Variants in CHST11 observed in about 807,000 individuals in gnomAD.
The protein encoded by CHST11 is C4S-1.
Under a neutral mutation model 30.4 loss-of-function variants are expected in CHST11, and 9 were observed. That is an observed-to-expected ratio of 0.30 (90% CI 0.18 to 0.52). CHST11 has a LOEUF of 0.52. Ranked by LOEUF, CHST11 falls within the 20% of genes least tolerant of loss-of-function variation. CHST11 has a pLI of 0.97. For missense variants in CHST11, 348 were observed against 460.6 expected, an observed-to-expected ratio of 0.76 and a Z score of 2.24; for synonymous variants, 152 against 187.8, an observed-to-expected ratio of 0.81 and a Z score of 1.56.
At chr12:104,601,785 TAGA>T in intron 1 of CHST11, 118 bp from the exon 2 acceptor site, 3 of 721,524 alleles carry the variant, frequency 4.2e-6, no homozygotes, top group African/African-American at 1.8e-5. Flanking sequence ...CTTCCTTTGC[TAGA>T]AGCTGGTTTT....
intron 1 of CHST11, among the ~76,000 whole-genome samples, chr12:104,541,555 T>C (rs1329523649): frequency 6.6e-6 from 1 of 152,210 alleles, no homozygotes; most frequent in Non-Finnish European, 1.5e-5. Flanking sequence ...GGTGGGCTAG[T>C]GGATATTCTG....
chr12:104,535,065 A>C (rs1403805544), intron 1 of CHST11, among the ~76,000 whole-genome samples: 1 of 152,220 alleles, frequency 6.6e-6, no homozygotes, highest in African/African-American at 2.4e-5. Context: ...TGGGGTTATA[A>C]AATCACTCCT....
At chr12:104,733,027 C>T (rs930363263) in intron 2 of CHST11, among the ~76,000 whole-genome samples, 3 of 152,214 alleles carry the variant, frequency 2.0e-5, no homozygotes. Context: ...TAGGTATGAC[C>T]AGCCCTATGA....
At chr12:104,528,461 T>C (rs1388422421) in intron 1 of CHST11, among the ~76,000 whole-genome samples, 1 of 152,182 alleles carries the variant, frequency 6.6e-6, no homozygotes, top group Non-Finnish European at 1.5e-5. Context: ...TTTAACTCAC[T>C]CTTCATTTGC....
intron 2 of CHST11, among the ~76,000 whole-genome samples, chr12:104,677,002 T>G (rs77544780): frequency 0.028 from 4,267 of 152,262 alleles, 169 homozygotes; most frequent in African/African-American, 0.089. Flanking sequence ...AGCAGACATT[T>G]CATTTCTTCG....
At chr12:104,524,684 A>G (rs1209408984) in intron 1 of CHST11, among the ~76,000 whole-genome samples, 2 of 152,010 alleles carry the variant, frequency 1.3e-5, no homozygotes, top group African/African-American at 2.4e-5. Context: ...CCATCCATCC[A>G]TCCATCCTCC....
At chr12:104,649,625 C>G (rs761416246) in intron 2 of CHST11, among the ~76,000 whole-genome samples, 1 of 152,166 alleles carries the variant, frequency 6.6e-6, no homozygotes, top group Non-Finnish European at 1.5e-5. Flanking sequence ...CTTTCAATGC[C>G]TTCTTCCACA....
intron 2 of CHST11, among the ~76,000 whole-genome samples, chr12:104,669,529 A>G (rs961281740): frequency 2.0e-5 from 3 of 152,070 alleles, no homozygotes; most frequent in African/African-American, 7.2e-5. Flanking sequence ...GGTTTTGTTC[A>G]TTCATAAACG....
chr12:104,556,355 T>A (rs1306880074), intron 1 of CHST11, among the ~76,000 whole-genome samples: 1 of 152,108 alleles, frequency 6.6e-6, no homozygotes, highest in Non-Finnish European at 1.5e-5. Context: ...ATCCCTGTGA[T>A]CCTGGAGTTT....
At chr12:104,647,587 T>C (rs2039446662) in intron 2 of CHST11, among the ~76,000 whole-genome samples, 1 of 152,240 alleles carries the variant, frequency 6.6e-6, no homozygotes, top group African/African-American at 2.4e-5. Flanking sequence ...ATTTAAAAGA[T>C]TGTGAGTACT....
intron 2 of CHST11, among the ~76,000 whole-genome samples, chr12:104,627,167 T>G (rs1046274092): frequency 6.6e-6 from 1 of 152,230 alleles, no homozygotes; most frequent in Non-Finnish European, 1.5e-5. Context: ...TTGCATGGCT[T>G]GATGGCTCGT....
chr12:104,712,735 A>G (rs1340532450), intron 2 of CHST11, among the ~76,000 whole-genome samples: 2 of 152,026 alleles, frequency 1.3e-5, no homozygotes, highest in African/African-American at 4.8e-5. Flanking sequence ...CCTAAAACCA[A>G]CGTCATCATT....
At chr12:104,713,013 A>C (rs963400295) in intron 2 of CHST11, among the ~76,000 whole-genome samples, 1 of 151,738 alleles carries the variant, frequency 6.6e-6, no homozygotes, top group Non-Finnish European at 1.5e-5. Flanking sequence ...AAGAAAATGC[A>C]CTCATTAAAC....
intron 2 of CHST11, among the ~76,000 whole-genome samples, chr12:104,690,820 C>A (rs1476858728): frequency 6.6e-6 from 1 of 151,842 alleles, no homozygotes; most frequent in East Asian, 1.9e-4. Context: ...AGAGTGAGAC[C>A]CTGTCTCCAA....
At chr12:104,571,852 G>T (rs2038629385) in intron 1 of CHST11, among the ~76,000 whole-genome samples, 1 of 152,186 alleles carries the variant, frequency 6.6e-6, no homozygotes, top group African/African-American at 2.4e-5. Context: ...CTGTGGGTTT[G>T]TCATAGATAG....
At chr12:104,679,449 C>T (rs114750472) in intron 2 of CHST11, among the ~76,000 whole-genome samples, 2,046 of 152,228 alleles carry the variant, frequency 0.013, 40 homozygotes, top group African/African-American at 0.046. Flanking sequence ...CCCCCTGAGC[C>T]GCAGTCTCCC....
chr12:104,732,921 T>A (rs2040268676), intron 2 of CHST11, among the ~76,000 whole-genome samples: 1 of 152,300 alleles, frequency 6.6e-6, no homozygotes, highest in African/African-American at 2.4e-5. Flanking sequence ...TAAGCACTTA[T>A]TTCCTTACAT....
chr12:104,648,319 G>C (rs913780599), intron 2 of CHST11, among the ~76,000 whole-genome samples: 1 of 152,192 alleles, frequency 6.6e-6, no homozygotes, highest in African/African-American at 2.4e-5. Context: ...AGTCCAACCA[G>C]AGTTTCAAAG....
chr12:104,536,710 A>T (rs925525618), intron 1 of CHST11, among the ~76,000 whole-genome samples: 10 of 152,220 alleles, frequency 6.6e-5, no homozygotes, highest in Non-Finnish European at 1.3e-4. Context: ...GAGAATGTTT[A>T]TAAAACACTT....
Sources: allele counts gnomAD v4.1 joint callset (sites outside exome capture counted in the v4.1 genomes callset), GRCh38; gene constraint gnomAD v4.1.1; transcripts MANE v1.5; gene names NCBI Gene and HGNC (gene_info 2026-07-23, HGNC 2026-07-21).